The following B3GALT1 variants were observed in gnomAD, a reference collection of about 807,000 sequenced individuals.
B3GALT1 encodes UDP-Gal:betaGlcNAc beta 1,3-galactosyltransferase, polypeptide 1.
B3GALT1 carries 10 observed loss-of-function variants against 23.2 expected under a neutral mutation model. The ratio of observed to expected loss-of-function variants is 0.43; its 90% CI spans 0.27 to 0.73. B3GALT1 has a LOEUF of 0.73. Ranked by LOEUF, B3GALT1 falls within the 30% of genes least tolerant of loss-of-function variation. The pLI, the probability that B3GALT1 is intolerant of heterozygous loss-of-function variation, is 0.21. For synonymous variants in B3GALT1, 156 were observed against 141.5 expected, an observed-to-expected ratio of 1.10 and a Z score of -0.73; for missense variants, 299 against 405.4, an observed-to-expected ratio of 0.74 and a Z score of 2.25.
chr2:167,635,876 T>C (rs1685543804), intron 2 of B3GALT1, among the ~76,000 whole-genome samples: 1 of 151,708 alleles, frequency 6.6e-6, no homozygotes, highest in Admixed American at 6.6e-5. Flanking sequence ...AAAGACTCCA[T>C]ATAGCCAAGA....
At chr2:167,751,979 A>G (rs974588517) in intron 3 of B3GALT1, among the ~76,000 whole-genome samples, 1 of 152,192 alleles carries the variant, frequency 6.6e-6, no homozygotes, top group Non-Finnish European at 1.5e-5. Context: ...TTTTCTTTAT[A>G]AAGTCTCATT....
chr2:167,562,946 C>G (rs1684040461), intron 2 of B3GALT1, among the ~76,000 whole-genome samples: 1 of 152,136 alleles, frequency 6.6e-6, no homozygotes, highest in African/African-American at 2.4e-5. Flanking sequence ...GCACATGTTT[C>G]AGAGAGCACA....
intron 1 of B3GALT1, among the ~76,000 whole-genome samples, chr2:167,296,402 A>G (rs902856626): frequency 9.2e-5 from 14 of 152,180 alleles, no homozygotes; most frequent in African/African-American, 3.1e-4. Flanking sequence ...AAAACTAACA[A>G]TGTTAGGGGA....
chr2:167,660,698 A>G (rs1010795706), intron 3 of B3GALT1, among the ~76,000 whole-genome samples: 9 of 152,154 alleles, frequency 5.9e-5, no homozygotes, highest in African/African-American at 2.2e-4. Context: ...CACCCCTATA[A>G]GCAGATATTT....
chr2:167,660,235 GTTA>G (rs1285371984), intron 3 of B3GALT1, among the ~76,000 whole-genome samples: 3 of 152,064 alleles, frequency 2.0e-5, no homozygotes, highest in Non-Finnish European at 2.9e-5. Context: ...AACCCTGGAA[GTTA>G]TTATAGGAAG....
At chr2:167,691,860 T>C (rs2105501889) in intron 3 of B3GALT1, among the ~76,000 whole-genome samples, 1 of 152,218 alleles carries the variant, frequency 6.6e-6, no homozygotes, top group African/African-American at 2.4e-5. Context: ...CTATAAGATG[T>C]GCATATATAA....
chr2:167,410,159 A>G (rs937611400), intron 1 of B3GALT1, among the ~76,000 whole-genome samples: 2 of 152,120 alleles, frequency 1.3e-5, no homozygotes, highest in Non-Finnish European at 2.9e-5. Flanking sequence ...CATCATTCTC[A>G]GCAAACTAAC....
intron 1 of B3GALT1, among the ~76,000 whole-genome samples, chr2:167,425,800 T>C (rs1698614207): frequency 6.6e-6 from 1 of 152,204 alleles, no homozygotes; most frequent in South Asian, 2.1e-4. Context: ...AATTTTGTAA[T>C]TATGAGCACA....
chr2:167,440,132 A>T (rs1038951163), intron 1 of B3GALT1, among the ~76,000 whole-genome samples: 2 of 152,014 alleles, frequency 1.3e-5, no homozygotes, highest in Non-Finnish European at 2.9e-5. Flanking sequence ...TCACGAGGTC[A>T]GGAGATCAAG....
At chr2:167,724,215 C>T (rs1303690487) in intron 3 of B3GALT1, among the ~76,000 whole-genome samples, 1 of 152,182 alleles carries the variant, frequency 6.6e-6, no homozygotes, top group Non-Finnish European at 1.5e-5. Context: ...TAATGCCCAT[C>T]AATATTATCT....
intron 3 of B3GALT1, among the ~76,000 whole-genome samples, chr2:167,740,362 G>A (rs1687560789): frequency 6.6e-6 from 1 of 152,018 alleles, no homozygotes; most frequent in African/African-American, 2.4e-5. Flanking sequence ...TTCTCTCCAG[G>A]AATGTTGGTA....
chr2:167,564,291 C>G (rs1452985226), intron 2 of B3GALT1, among the ~76,000 whole-genome samples: 1 of 151,708 alleles, frequency 6.6e-6, no homozygotes, highest in South Asian at 2.1e-4. Context: ...CGCTCCCCCC[C>G]TCCCAGATGT....
At chr2:167,803,083 C>CACAT (rs879872479) in intron 3 of B3GALT1, among the ~76,000 whole-genome samples, 18 of 40,914 alleles carry the variant, frequency 4.4e-4, no homozygotes, top group South Asian at 7.6e-4. Context: ...CCCTAACAAA[C>CACAT]ACACACACAC....
chr2:167,561,659 C>T (rs1430757754), intron 2 of B3GALT1, among the ~76,000 whole-genome samples: 1 of 152,188 alleles, frequency 6.6e-6, no homozygotes, highest in Non-Finnish European at 1.5e-5. Context: ...AAACTACCAT[C>T]AGAGAATACT....
At chr2:167,559,981 G>C (rs563976277) in intron 2 of B3GALT1, among the ~76,000 whole-genome samples, 46 of 152,210 alleles carry the variant, frequency 3.0e-4, no homozygotes, top group African/African-American at 1.1e-3. Context: ...CTCGAGAAGA[G>C]CAACTCCAAG....
At chr2:167,714,834 A>T in intron 3 of B3GALT1, 2 of 1,610,860 alleles carry the variant, frequency 1.2e-6, no homozygotes, top group Non-Finnish European at 8.5e-7. Flanking sequence ...AGCTTCTCTT[A>T]TTCCTCTATC....
intron 2 of B3GALT1, among the ~76,000 whole-genome samples, chr2:167,608,034 G>A (rs1363593046): frequency 2.6e-5 from 4 of 152,142 alleles, no homozygotes; most frequent in South Asian, 4.1e-4. Flanking sequence ...TAGTGCAGAC[G>A]ATTTATGCAA....
intron 2 of B3GALT1, among the ~76,000 whole-genome samples, chr2:167,560,815 G>A (rs1030120003): frequency 2.2e-4 from 34 of 152,178 alleles, no homozygotes; most frequent in South Asian, 1.5e-3. Flanking sequence ...GCAAGTCCTG[G>A]GTGACCTACA....
intron 1 of B3GALT1, among the ~76,000 whole-genome samples, chr2:167,429,928 C>A (rs1698683605): frequency 6.6e-6 from 1 of 152,140 alleles, no homozygotes; most frequent in Non-Finnish European, 1.5e-5. Flanking sequence ...TGCAAGATGC[C>A]ATTCTAAACA....
Sources: allele counts gnomAD v4.1 joint callset (sites outside exome capture counted in the v4.1 genomes callset), GRCh38; gene constraint gnomAD v4.1.1; transcripts MANE v1.5; gene names NCBI Gene and HGNC (gene_info 2026-07-23, HGNC 2026-07-21).